Variants in MMP17 observed in about 807,000 individuals in gnomAD.
MMP17 encodes matrix metallopeptidase 17.
In MMP17, 54 loss-of-function variants were observed where a neutral mutation model predicts 49.1. The observed-to-expected ratio is 1.10, with a 90% CI of 0.88 to 1.38. The LOEUF is 1.38. Among genes scored for constraint, MMP17 ranks in the 40% most tolerant of loss-of-function variants. MMP17 has a pLI of 0.00. For missense variants in MMP17, 837 were observed against 853.7 expected (o/e 0.98, Z 0.24); for synonymous variants, 397 against 383.1 (o/e 1.04, Z -0.42).
In MMP17 at chr12:131,841,785, G is replaced by A. The variant is rs945728741; in HGVS notation, c.868G>A (p.Val290Ile). 9 of 1,601,086 alleles carry A rather than the reference G, an allele frequency of 5.6e-6. No homozygotes were observed. Among genetic ancestry groups the A allele is most frequent in the South Asian group, 3.3e-5 (3 of 89,924 alleles). ...YGLPYEDKVRVWQLYGVRESV... is the reference protein window; with the variant it reads ...YGLPYEDKVRIWQLYGVRESV... ...GCTCCCCTACGAGGACAAGGTGCGCGTCTGGCAGCTGTACGGTGAGTGTCT... is the reference window on the plus strand; with the variant it reads ...GCTCCCCTACGAGGACAAGGTGCGCATCTGGCAGCTGTACGGTGAGTGTCT... The change falls in exon 5 of 10, where the codon GTC becomes ATC. Residue 290 changes from valine to isoleucine, a missense_variant. Coordinates refer to ENST00000360564, the MANE Select transcript of MMP17 (RefSeq NM_016155.7).
intron 3 of MMP17, 119 bp from the exon 4 acceptor site, chr12:131,840,454 A>G: frequency 9.4e-7 from 1 of 1,060,238 alleles, no homozygotes; most frequent in Non-Finnish European, 1.4e-6. Flanking sequence ...AGGAAGGCGG[A>G]AGATGGGGGA....
chr12:131,836,476 C>CTT (rs35237414), intron 1 of MMP17, among the ~76,000 whole-genome samples: 9 of 142,366 alleles, frequency 6.3e-5, no homozygotes, highest in African/African-American at 1.6e-4. Context: ...TTTCTTTTTC[C>CTT]TTTTTTTTTT....
At chr12:131,834,794 G>A (rs1210327669) in intron 1 of MMP17, among the ~76,000 whole-genome samples, 4 of 151,982 alleles carry the variant, frequency 2.6e-5, no homozygotes, top group Non-Finnish European at 5.9e-5. Context: ...ATTAGCCTGG[G>A]TCAACATTTC....
chr12:131,847,557 C>T (rs1003376640), intron 8 of MMP17, among the ~76,000 whole-genome samples: 15 of 152,364 alleles, frequency 9.8e-5, no homozygotes, highest in South Asian at 2.1e-4. Flanking sequence ...AGAGCCTCCC[C>T]GAGCAGGATC....
Position 131,830,942 on chromosome 12 carries a change from G to T in MMP17, c.159+2289G>T, listed in dbSNP as rs116826682. On this transcript the variant is annotated intron_variant, in intron 1 of 9. Transcript: ENST00000360564. Reference sequence around the variant, plus strand: ...TTTTGTCTTTCTGTGTTTTGAGTACGACATACAGCGAGCAGCCCAGGGTCT... The same window carrying T: ...TTTTGTCTTTCTGTGTTTTGAGTACTACATACAGCGAGCAGCCCAGGGTCT... Among the ~76,000 whole-genome samples the T allele has an allele frequency of 5.8e-3, 884 of 152,296 alleles. 12 individuals carry two copies. The highest frequency in any genetic ancestry group is 0.019 in the African/African-American group (781 of 41,566).
rs144538442 is a variant in MMP17, at chr12:131,838,692, C to T, written c.373C>T (p.Arg125Cys). 39 of 1,605,422 alleles carry T rather than the reference C, an allele frequency of 2.4e-5. No homozygotes were observed. The highest frequency in any genetic ancestry group is 8.9e-5 in the South Asian group (8 of 89,726). Residue 125 changes from arginine to cysteine, a missense_variant, in exon 3 of 10, where the codon CGC becomes TGC. Coordinates refer to ENST00000360564, the MANE Select transcript of MMP17 (RefSeq NM_016155.7). ...LPVLTQARRR[R>C]QAPAPTKWNK... ...TGTCCTGACCCAGGCTCGCAGGAGA[C>T]GCCAGGCTCCAGCCCCCACCAAGTG... is the stretch of plus-strand genomic sequence containing the variant.
chr12:131,849,700 G>T, intron 8 of MMP17, 102 bp from the exon 9 acceptor site: 1 of 1,378,614 alleles, frequency 7.3e-7, no homozygotes, highest in Non-Finnish European at 9.9e-7. Context: ...CAGGTGAGGG[G>T]CCAGGGCAAG....
intron 3 of MMP17, chr12:131,840,285 G>A (rs1414075544): frequency 2.3e-5 from 9 of 391,140 alleles, no homozygotes; most frequent in African/African-American, 1.0e-4. Flanking sequence ...GGGACGCACC[G>A]TTGAGGGCCC....
chr12:131,850,974 C>T lies in MMP17; in HGVS notation c.1512C>T (p.Gly504=), dbSNP rs760140130. Residue 504 remains glycine, a synonymous_variant, in exon 10 of 10, where the codon GGC becomes GGT. Transcript: ENST00000360564. ...AGGAGTACTGGAAAGTGCTGGATGGCGAGCTGGAGGTGGCACCCGGGTACC... is the reference window on the plus strand; with the variant it reads ...AGGAGTACTGGAAAGTGCTGGATGGTGAGCTGGAGGTGGCACCCGGGTACC... The part of the protein sequence containing the change: ...RGQEYWKVLD[G]ELEVAPGYPQ... The T allele has an allele frequency of 2.1e-5, 32 of 1,549,690 alleles. No individual in the cohort carries two copies. Among genetic ancestry groups the T allele is most frequent in the South Asian group, 1.7e-4 (14 of 81,586 alleles).
rs372874449 is a variant in MMP17, at chr12:131,841,719, C to T, written c.802C>T (p.Pro268Ser). 1.7e-5 allele frequency: 28 copies of T among 1,613,718 alleles called. No individual in the cohort carries two copies. The highest frequency in any genetic ancestry group is 2.2e-5 in the Non-Finnish European group (26 of 1,179,960). The change falls in exon 5 of 10, where the codon CCG becomes TCG. Residue 268 changes from proline (P) to serine (S), a missense_variant. Transcript: ENST00000360564. ...GGCCGCTGCACACTCCATCATGCGG[C>T]CGTACTACCAGGGCCCGGTGGGTGA... The part of the protein sequence containing the change: ...HVAAAHSIMR[P>S]YYQGPVGDPL...
chr12:131,833,166 C>T (rs1478545800), intron 1 of MMP17, among the ~76,000 whole-genome samples: 1 of 152,242 alleles, frequency 6.6e-6, no homozygotes, highest in Non-Finnish European at 1.5e-5. Context: ...CCTGTGAGCA[C>T]CTGCTTTGTG....
At chr12:131,845,992 C>G (rs1887686002) in intron 8 of MMP17, among the ~76,000 whole-genome samples, 1 of 152,150 alleles carries the variant, frequency 6.6e-6, no homozygotes, top group African/African-American at 2.4e-5. Context: ...CCCCGGTGCC[C>G]ACCGTTCCAG....
chr12:131,836,194 G>A (rs1015458070), intron 1 of MMP17, among the ~76,000 whole-genome samples: 11 of 152,120 alleles, frequency 7.2e-5, no homozygotes, highest in Non-Finnish European at 1.3e-4. Context: ...GGGGGTAAAG[G>A]CACAGAGGGG....
chr12:131,843,172 T>C (rs1052979115), intron 5 of MMP17, among the ~76,000 whole-genome samples: 1 of 151,946 alleles, frequency 6.6e-6, no homozygotes. Context: ...GTTTCACTGT[T>C]AGCCAGGATG....
intron 5 of MMP17, among the ~76,000 whole-genome samples, 155 bp downstream of exon 5, chr12:131,841,955 A>G (rs1887439022): frequency 6.6e-6 from 1 of 152,144 alleles, no homozygotes; most frequent in Admixed American, 6.5e-5. Context: ...GCCTGTCCAC[A>G]GAGCCCACCC....
intron 6 of MMP17, chr12:131,844,494 A>G (rs1381660880): frequency 3.7e-6 from 1 of 269,146 alleles, no homozygotes; most frequent in Non-Finnish European, 7.1e-6. Context: ...CCCAACTGGG[A>G]CGGCCACTGG....
At chr12:131,843,931 C>A in intron 5 of MMP17, 66 bp from the exon 6 acceptor site, 1 of 1,186,510 alleles carries the variant, frequency 8.4e-7, no homozygotes, top group Non-Finnish European at 1.2e-6. Flanking sequence ...TTCAGAAGGG[C>A]TGGTGGGATG....
Position 131,844,456 on chromosome 12 carries a change from G to A in MMP17, c.968+375G>A, listed in dbSNP as rs190919195. 41 of 299,870 alleles carry A rather than the reference G, an allele frequency of 1.4e-4. No individual in the cohort carries two copies. In the Admixed American group the frequency reaches 1.7e-3, roughly 12 times the overall value. The allele number at this position is 299,870 out of a possible 1,614,324, so 18.6% of individuals were successfully genotyped here. A position where few individuals can be genotyped will look rare whatever the true frequency, so the allele number is the denominator to read the frequency against. On this transcript the variant is annotated intron_variant, in intron 6 of 9. Transcript: ENST00000360564. ...CCCAGCGGGAGGGATGTTCACTGCC[G>A]GGGCCCACATCTGGTGCCAGGGCTG...
At chr12:131,844,942 AGCG>A in intron 6 of MMP17, 173 bp from the exon 7 acceptor site, 1 of 477,172 alleles carries the variant, frequency 2.1e-6, no homozygotes, top group Non-Finnish European at 3.6e-6. Context: ...CGCCCGCTGA[AGCG>A]GTGGACAGGC....
Sources: gnomAD v4.1 joint callset for allele counts (sites outside exome capture counted in the v4.1 genomes callset) on GRCh38, gnomAD v4.1.1 for gene constraint, MANE v1.5 for transcripts, NCBI Gene and HGNC (gene_info 2026-07-23, HGNC 2026-07-21) for gene names.